The following CNTN5 variants were observed in gnomAD, a reference collection of about 807,000 sequenced individuals.
The protein encoded by CNTN5 is contactin 5, also known as contactin-5.
Under a neutral mutation model 129.1 loss-of-function variants are expected in CNTN5, and 77 were observed. The observed-to-expected ratio is 0.60, with a 90% CI of 0.50 to 0.72. The LOEUF (loss-of-function observed/expected upper bound fraction) is 0.72. Among genes scored for constraint, CNTN5 ranks in the 30% least tolerant of loss-of-function variants. The pLI is 0.00. For missense variants in CNTN5, 1,478 were observed against 1,328.8 expected, an observed-to-expected ratio of 1.11 and a Z score of -1.75; for synonymous variants, 509 against 465.6, an observed-to-expected ratio of 1.09 and a Z score of -1.20.
In CNTN5 at chr11:100,176,206, G is replaced by A. The variant is rs1218394531; in HGVS notation, c.1581-14920G>A. Among the ~76,000 whole-genome samples, 54 of 150,922 alleles carry A rather than the reference G, an allele frequency of 3.6e-4. 1 individual carries two copies. The highest frequency in any genetic ancestry group is 3.6e-3 in the Admixed American group (54 of 15,192). ...AGCTAATTTTTGTACTTTTAGTAGA[G>A]ACGGGGTTTTACCATGTTGGCTAGG... On this transcript the variant is annotated intron_variant, in intron 13 of 24. Coordinates refer to ENST00000524871, the MANE Select transcript of CNTN5 (RefSeq NM_014361.4).
intron 4 of CNTN5, among the ~76,000 whole-genome samples, chr11:99,832,060 G>A (rs1947158214): frequency 6.6e-6 from 1 of 152,088 alleles, no homozygotes; most frequent in Non-Finnish European, 1.5e-5. Context: ...ACATTCATTA[G>A]CAGTTACTGC....
At chr11:99,236,163 TACC>T (rs1417244058) in intron 1 of CNTN5, among the ~76,000 whole-genome samples, 1 of 152,154 alleles carries the variant, frequency 6.6e-6, no homozygotes, top group African/African-American at 2.4e-5. Context: ...TTTCCCGGTA[TACC>T]ACTCATAATT....
At chr11:99,378,429 A>T (rs547306179) in intron 2 of CNTN5, among the ~76,000 whole-genome samples, 3 of 152,084 alleles carry the variant, frequency 2.0e-5, no homozygotes, top group Admixed American at 2.0e-4. Context: ...GTATCACTGT[A>T]TATGTTCAAG....
chr11:99,463,354 C>T (rs891409927), intron 2 of CNTN5, among the ~76,000 whole-genome samples: 28 of 145,052 alleles, frequency 1.9e-4, no homozygotes, highest in East Asian at 8.7e-4. Flanking sequence ...GGGAGAATGG[C>T]GTGAACCCGG....
chr11:99,371,042 C>T (rs1455932811), intron 2 of CNTN5, among the ~76,000 whole-genome samples: 1 of 152,038 alleles, frequency 6.6e-6, no homozygotes, highest in African/African-American at 2.4e-5. Context: ...GGCTCTGCAG[C>T]CTCTGTTGAA....
intron 2 of CNTN5, among the ~76,000 whole-genome samples, chr11:99,450,031 T>C (rs1037087605): frequency 2.6e-5 from 4 of 152,188 alleles, no homozygotes; most frequent in African/African-American, 9.6e-5. Context: ...AAAAAGGTAA[T>C]TGCCCAATAT....
At chr11:99,508,433 C>G (rs1946705851) in intron 2 of CNTN5, among the ~76,000 whole-genome samples, 2 of 152,028 alleles carry the variant, frequency 1.3e-5, no homozygotes, top group African/African-American at 4.8e-5. Context: ...GCTTTTGGAT[C>G]CAGGGTTGTT....
At chr11:99,075,973 AT>A (rs1245713105) in intron 1 of CNTN5, among the ~76,000 whole-genome samples, 3 of 152,168 alleles carry the variant, frequency 2.0e-5, no homozygotes, top group African/African-American at 7.2e-5. Flanking sequence ...TTTTGGTGAA[AT>A]ATTGCTGCCA....
chr11:99,448,591 A>G (rs917449401), intron 2 of CNTN5, among the ~76,000 whole-genome samples: 2 of 151,442 alleles, frequency 1.3e-5, no homozygotes, highest in South Asian at 4.1e-4. Flanking sequence ...GTAAATCCCT[A>G]CCCTAGGAAC....
At position 99,234,412 on chromosome 11, in the gene CNTN5, T is replaced by A. The variant is rs138751451; in HGVS notation, c.-209-90934T>A. ...TCTATTCGTAGATCTTAGCATTATGTGCACACATAGGAGATGTTCAGTAAA... is the reference window on the plus strand; with the variant it reads ...TCTATTCGTAGATCTTAGCATTATGAGCACACATAGGAGATGTTCAGTAAA... On this transcript the variant is annotated intron_variant, in intron 1 of 24. Coordinates refer to ENST00000524871, the MANE Select transcript of CNTN5 (RefSeq NM_014361.4). Among the ~76,000 whole-genome samples the A allele has an allele frequency of 1.2e-3, 177 of 152,368 alleles. 4 individuals are homozygous for A. The East Asian group carries it at 0.028, about 24-fold the overall frequency.
chr11:99,525,209 T>A (rs1278261320), intron 2 of CNTN5, among the ~76,000 whole-genome samples: 1 of 151,844 alleles, frequency 6.6e-6, no homozygotes, highest in Non-Finnish European at 1.5e-5. Context: ...TAAAGCAAGA[T>A]CAAAACTAAA....
chr11:100,022,203 G>T (rs549142853), intron 9 of CNTN5, among the ~76,000 whole-genome samples: 8 of 152,084 alleles, frequency 5.3e-5, no homozygotes, highest in Non-Finnish European at 1.0e-4. Context: ...AGCATTATTT[G>T]CAAGGTGTAT....
At chr11:99,062,685 C>T (rs926650249) in intron 1 of CNTN5, among the ~76,000 whole-genome samples, 4 of 152,002 alleles carry the variant, frequency 2.6e-5, no homozygotes, top group Non-Finnish European at 5.9e-5. Flanking sequence ...GGTACATTAT[C>T]TGTAATGGAT....
chr11:99,061,853 A>G (rs908757015), intron 1 of CNTN5, among the ~76,000 whole-genome samples: 1 of 151,890 alleles, frequency 6.6e-6, no homozygotes, highest in Non-Finnish European at 1.5e-5. Context: ...ATAGGCGGGC[A>G]TGGTGTCACA....
intron 1 of CNTN5, among the ~76,000 whole-genome samples, chr11:99,224,656 C>CTTTTTTTT (rs1860579878): frequency 2.6e-5 from 1 of 38,020 alleles, no homozygotes; most frequent in African/African-American, 1.2e-4. Flanking sequence ...CCCAAGGTTG[C>CTTTTTTTT]ATTTTTTTTT....
chr11:99,925,307 C>G (rs530647421), intron 7 of CNTN5, among the ~76,000 whole-genome samples: 50 of 152,264 alleles, frequency 3.3e-4, no homozygotes, highest in African/African-American at 1.2e-3. Flanking sequence ...GCAGACTAAA[C>G]TTATTTTATT....
At chr11:100,064,327 A>G (rs914797358) in intron 10 of CNTN5, among the ~76,000 whole-genome samples, 2 of 152,158 alleles carry the variant, frequency 1.3e-5, no homozygotes, top group Non-Finnish European at 1.5e-5. Context: ...TGGTCAAAGC[A>G]TTATAAAAGT....
rs758003713 is a variant in CNTN5, at chr11:99,844,360, C to T, written c.278-492C>T. Reference sequence around the variant, plus strand: ...TTTTTACACCCCAGAATTGTTAGCACTAAATGTAGTGCTTCAGTGAATTAA... The same window carrying T: ...TTTTTACACCCCAGAATTGTTAGCATTAAATGTAGTGCTTCAGTGAATTAA... On this transcript the variant is annotated intron_variant, in intron 4 of 24. Coordinates refer to ENST00000524871, the MANE Select transcript of CNTN5 (RefSeq NM_014361.4). Among the ~76,000 whole-genome samples, 4 of 151,974 alleles carry T rather than the reference C, an allele frequency of 2.6e-5. No individual in the cohort carries two copies. In the East Asian group the frequency reaches 7.7e-4, roughly 29 times the overall value.
At chr11:99,758,620 T>G (rs1016020307) in intron 3 of CNTN5, among the ~76,000 whole-genome samples, 1 of 152,034 alleles carries the variant, frequency 6.6e-6, no homozygotes, top group Non-Finnish European at 1.5e-5. Flanking sequence ...GAGAGTGTTG[T>G]GTAACACAGA....
Sources: allele counts gnomAD v4.1 joint callset (sites outside exome capture counted in the v4.1 genomes callset), GRCh38; gene constraint gnomAD v4.1.1; transcripts MANE v1.5; gene names NCBI Gene and HGNC (gene_info 2026-07-23, HGNC 2026-07-21).